The following PIK3CB variants were observed in gnomAD, a reference collection of about 807,000 sequenced individuals.
PIK3CB encodes the protein phosphatidylinositol 4,5-bisphosphate 3-kinase catalytic subunit beta isoform.
A neutral mutation model predicts 136.8 loss-of-function variants in PIK3CB; 39 were observed. The ratio of observed to expected loss-of-function variants is 0.29; its 90% CI spans 0.22 to 0.37. The LOEUF is 0.37. PIK3CB is among the 10% of genes least tolerant of loss of function. The pLI, the probability that PIK3CB is intolerant of heterozygous loss-of-function variation, is 1.00. For missense variants in PIK3CB, 868 were observed against 1,275.4 expected, an observed-to-expected ratio of 0.68 and a Z score of 4.87; for synonymous variants, 428 against 436.6, an observed-to-expected ratio of 0.98 and a Z score of 0.25.
chr3:138,831,489 G>C (rs969352562), intron 1 of PIK3CB, among the ~76,000 whole-genome samples: 1 of 151,874 alleles, frequency 6.6e-6, no homozygotes, highest in South Asian at 2.1e-4. Flanking sequence ...GGGAGGCTGA[G>C]GCAGAAGAAT....
chr3:138,753,419 G>C (rs922623036), intron 4 of PIK3CB, among the ~76,000 whole-genome samples: 1 of 152,118 alleles, frequency 6.6e-6, no homozygotes, highest in Non-Finnish European at 1.5e-5. Flanking sequence ...TACTCAGAAG[G>C]CTGAGGCAGG....
At chr3:138,716,601 T>C (rs2044610410) in intron 8 of PIK3CB, among the ~76,000 whole-genome samples, 1 of 151,936 alleles carries the variant, frequency 6.6e-6, no homozygotes, top group African/African-American at 2.4e-5. Context: ...TAGCAAAATA[T>C]TATCAAAAGC....
intron 2 of PIK3CB, chr3:138,778,422 T>C: frequency 3.3e-6 from 1 of 305,736 alleles, no homozygotes; most frequent in South Asian, 2.7e-5. Context: ...GCAATGGCTT[T>C]CCAGAACATC....
At chr3:138,762,630 C>T (rs1379073127) in intron 2 of PIK3CB, among the ~76,000 whole-genome samples, 1 of 152,102 alleles carries the variant, frequency 6.6e-6, no homozygotes, top group Non-Finnish European at 1.5e-5. Flanking sequence ...TAAGTATTTG[C>T]TGAATGAAAA....
At chr3:138,720,320 T>A (rs2044700342) in intron 8 of PIK3CB, among the ~76,000 whole-genome samples, 1 of 152,212 alleles carries the variant, frequency 6.6e-6, no homozygotes, top group Admixed American at 6.5e-5. Flanking sequence ...TCCAACTTAC[T>A]GTTAATACAT....
intron 1 of PIK3CB, among the ~76,000 whole-genome samples, chr3:138,830,631 G>A (rs1234584969): frequency 6.6e-6 from 1 of 152,012 alleles, no homozygotes; most frequent in Non-Finnish European, 1.5e-5. Context: ...GGGCCGGAGT[G>A]GATGACGCCT....
At chr3:138,679,902 A>C (rs1397179304) in intron 19 of PIK3CB, among the ~76,000 whole-genome samples, 1 of 149,380 alleles carries the variant, frequency 6.7e-6, no homozygotes, top group Non-Finnish European at 1.5e-5. Flanking sequence ...CCAAGAGTTC[A>C]TTTTAAAAAA....
chr3:138,768,687 C>T (rs1054187085), intron 2 of PIK3CB, among the ~76,000 whole-genome samples: 1 of 152,208 alleles, frequency 6.6e-6, no homozygotes, highest in African/African-American at 2.4e-5. Context: ...TGCCCTCAGC[C>T]TCCCCTCAGC....
chr3:138,666,197 G>A (rs543469269), intron 19 of PIK3CB, among the ~76,000 whole-genome samples: 1 of 152,162 alleles, frequency 6.6e-6, no homozygotes, highest in Non-Finnish European at 1.5e-5. Context: ...AAGAGTCAGT[G>A]TGTCTCTTTA....
intron 2 of PIK3CB, among the ~76,000 whole-genome samples, chr3:138,779,211 G>A (rs1461945638): frequency 4.0e-5 from 6 of 150,572 alleles, no homozygotes; most frequent in African/African-American, 1.5e-4. Flanking sequence ...TCAGCTTCCC[G>A]AGTAGCTGAG....
Position 138,759,317 on chromosome 3 carries a change from A to T in PIK3CB, c.27T>A (p.Pro9=). 1 of 1,609,490 alleles carries T rather than the reference A, an allele frequency of 6.2e-7. No individual in the cohort carries two copies. The part of the protein sequence containing the change: MCFSFIMP[P]AMADILDIWA... ...AGATGTCAAGGATGTCTGCCATAGC[A>T]GGAGGCATTATGAAACTGAAGCACA... The change falls in exon 3 of 24, where the codon CCT becomes CCA. Residue 9 remains proline, a synonymous_variant. Coordinates refer to ENST00000674063, the MANE Select transcript of PIK3CB (RefSeq NM_006219.3).
At chr3:138,828,754 A>G (rs1327795772) in intron 1 of PIK3CB, among the ~76,000 whole-genome samples, 4 of 151,888 alleles carry the variant, frequency 2.6e-5, no homozygotes, top group Non-Finnish European at 4.4e-5. Flanking sequence ...AGGCAGCATA[A>G]GGAGACCCCG....
intron 19 of PIK3CB, among the ~76,000 whole-genome samples, chr3:138,674,799 T>C (rs1401851663): frequency 6.6e-6 from 1 of 152,190 alleles, no homozygotes; most frequent in Non-Finnish European, 1.5e-5. Context: ...CTCACACCTG[T>C]AATCCCAGCA....
chr3:138,798,610 G>C (rs1269772975), intron 1 of PIK3CB, among the ~76,000 whole-genome samples: 1 of 152,156 alleles, frequency 6.6e-6, no homozygotes, highest in South Asian at 2.1e-4. Flanking sequence ...AGGTGGGAAA[G>C]ACTTTCCACT....
In PIK3CB at chr3:138,831,281, A is replaced by AAAATT. The variant is rs1553745243; in HGVS notation, c.-122+3409_-122+3413dup. Among the ~76,000 whole-genome samples, 1,120 of 148,362 alleles carry AAAATT rather than the reference A, an allele frequency of 7.5e-3. 12 individuals carry two copies. The highest frequency in any genetic ancestry group is 0.038 in the Middle Eastern group (11 of 286). On this transcript the variant is annotated intron_variant, in intron 1 of 23. Coordinates refer to ENST00000674063, the MANE Select transcript of PIK3CB (RefSeq NM_006219.3). ...TCAAATAAATAAAATAAAATAAAAT[A>AAAATT]AAATTAAATTAAATTAAAATTAAAA... is the stretch of plus-strand genomic sequence containing the variant.
In PIK3CB at chr3:138,669,277, T is replaced by C. The variant is rs567423392; in HGVS notation, c.2505-4074A>G. Among the ~76,000 whole-genome samples, 7 of 151,722 alleles carry C rather than the reference T, an allele frequency of 4.6e-5. No individual in the cohort carries two copies. The East Asian group carries it at 5.8e-4, about 13-fold the overall frequency. On this transcript the variant is annotated intron_variant, in intron 19 of 23. Coordinates refer to ENST00000674063, the MANE Select transcript of PIK3CB (RefSeq NM_006219.3). The stretch of plus-strand genomic sequence containing the variant: ...AAGTAAAAAAATTAGCCAGGTGTGA[T>C]GACAGGTGCCTGTGGCAGCTACTCA...
At chr3:138,705,185 ACAAAC>A (rs765116196) in intron 11 of PIK3CB, among the ~76,000 whole-genome samples, 1,379 of 81,706 alleles carry the variant, frequency 0.017, 215 homozygotes, top group East Asian at 0.068. Context: ...AAAAAACAAA[ACAAAC>A]AAAAAAAAAA....
intron 8 of PIK3CB, among the ~76,000 whole-genome samples, chr3:138,722,501 T>C (rs1379207461): frequency 1.3e-5 from 2 of 152,076 alleles, no homozygotes; most frequent in Admixed American, 6.6e-5. Context: ...TATTTTTCAG[T>C]GTTCTGGTGA....
At chr3:138,721,503 C>T (rs1419131306) in intron 8 of PIK3CB, among the ~76,000 whole-genome samples, 3 of 152,082 alleles carry the variant, frequency 2.0e-5, no homozygotes, top group Admixed American at 6.6e-5. Flanking sequence ...GTTGATGATC[C>T]ATGTGTGCAT....
Sources: gnomAD v4.1 joint callset for allele counts (sites outside exome capture counted in the v4.1 genomes callset) on GRCh38, gnomAD v4.1.1 for gene constraint, MANE v1.5 for transcripts, NCBI Gene and HGNC (gene_info 2026-07-23, HGNC 2026-07-21) for gene names.